The following GRIK4 variants were observed in gnomAD, a reference collection of about 807,000 sequenced individuals.
GRIK4 encodes the protein glutamate ionotropic receptor kainate type subunit 4.
A neutral mutation model predicts 104.9 loss-of-function variants in GRIK4; 40 were observed. That is an observed-to-expected ratio of 0.38 (90% CI 0.30 to 0.50). The LOEUF is 0.50. Among genes scored for constraint, GRIK4 ranks in the 20% least tolerant of loss-of-function variants. The pLI is 0.93. For synonymous variants in GRIK4, 485 were observed against 524.9 expected (o/e 0.92, Z 1.04); for missense variants, 1,047 against 1,308.1 (o/e 0.80, Z 3.08).
intron 13 of GRIK4, among the ~76,000 whole-genome samples, chr11:120,920,482 C>T (rs551788485): frequency 6.6e-6 from 1 of 152,274 alleles, no homozygotes; most frequent in African/African-American, 2.4e-5. Flanking sequence ...GGGTTCATTC[C>T]TCTTGCCATG....
chr11:120,895,308 A>G (rs1416678260), intron 11 of GRIK4, among the ~76,000 whole-genome samples: 3 of 152,126 alleles, frequency 2.0e-5, no homozygotes, highest in Non-Finnish European at 2.9e-5. Context: ...AAAGGACTCT[A>G]AGGAGTTCAG....
At chr11:120,849,414 T>A (rs973365354) in intron 8 of GRIK4, among the ~76,000 whole-genome samples, 2 of 152,206 alleles carry the variant, frequency 1.3e-5, no homozygotes, top group Non-Finnish European at 2.9e-5. Context: ...GAAGTTGCAT[T>A]AATTTAATGA....
chr11:120,841,474 T>G (rs1953715058), intron 8 of GRIK4, among the ~76,000 whole-genome samples: 2 of 152,226 alleles, frequency 1.3e-5, no homozygotes, highest in South Asian at 4.1e-4. Context: ...ACTATGTGTG[T>G]GTAGACACAC....
chr11:120,547,386 G>A (rs375515043), intron 1 of GRIK4, among the ~76,000 whole-genome samples: 3 of 152,200 alleles, frequency 2.0e-5, no homozygotes, highest in East Asian at 1.9e-4. Flanking sequence ...CTGCACGAGC[G>A]GAGTACAGAG....
intron 8 of GRIK4, among the ~76,000 whole-genome samples, chr11:120,849,436 G>A (rs911299910): frequency 1.3e-5 from 2 of 152,170 alleles, no homozygotes; most frequent in African/African-American, 4.8e-5. Flanking sequence ...AGATGCCTCG[G>A]CCTTCCGTCT....
chr11:120,702,194 T>G lies in GRIK4; in HGVS notation c.82+41794T>G, dbSNP rs568229034. The stretch of plus-strand genomic sequence containing the variant: ...TGGCCTCGATCTCTTCACCTTGTGA[T>G]CCGCAGGCCTCGGCCTCCCAAAGTG... On this transcript the variant is annotated intron_variant, in intron 3 of 20. Transcript: ENST00000527524. Among the ~76,000 whole-genome samples, 6 of 152,298 alleles carry G rather than the reference T, an allele frequency of 3.9e-5. No homozygotes were observed. In the South Asian group the frequency reaches 1.0e-3, roughly 26 times the overall value.
At chr11:120,595,702 C>T (rs1243737917) in intron 1 of GRIK4, among the ~76,000 whole-genome samples, 2 of 152,232 alleles carry the variant, frequency 1.3e-5, no homozygotes, top group Non-Finnish European at 2.9e-5. Flanking sequence ...TTCACCCAGA[C>T]ACCTCCCACT....
intron 3 of GRIK4, among the ~76,000 whole-genome samples, chr11:120,692,116 G>T (rs1308874827): frequency 6.6e-6 from 1 of 152,220 alleles, no homozygotes; most frequent in Non-Finnish European, 1.5e-5. Context: ...ACAAGGCAGA[G>T]TGGCCAAGTG....
At chr11:120,868,900 G>A (rs879527667) in intron 9 of GRIK4, 3 of 152,218 alleles carry the variant, frequency 2.0e-5, no homozygotes, top group Non-Finnish European at 2.9e-5. Flanking sequence ...GAGGGCTTTT[G>A]TAACAGAAAC....
intron 9 of GRIK4, among the ~76,000 whole-genome samples, chr11:120,865,717 G>A (rs1231032181): frequency 6.6e-6 from 1 of 152,178 alleles, no homozygotes; most frequent in African/African-American, 2.4e-5. Flanking sequence ...GAAAAAAAAT[G>A]CAAAGGCACA....
intron 3 of GRIK4, among the ~76,000 whole-genome samples, chr11:120,684,017 G>C (rs1372102457): frequency 6.6e-6 from 1 of 152,020 alleles, no homozygotes; most frequent in Non-Finnish European, 1.5e-5. Context: ...TTTTGTTTTT[G>C]TTTCTCTGGG....
chr11:120,742,823 A>T (rs1951360237), intron 3 of GRIK4, among the ~76,000 whole-genome samples: 1 of 152,228 alleles, frequency 6.6e-6, no homozygotes, highest in African/African-American at 2.4e-5. Flanking sequence ...GTGAATGTTC[A>T]TTGCAGCACT....
intron 3 of GRIK4, among the ~76,000 whole-genome samples, chr11:120,671,273 G>A (rs1245563111): frequency 3.9e-5 from 6 of 152,110 alleles, no homozygotes; most frequent in South Asian, 2.1e-4. Context: ...TTGAGGAATC[G>A]CCACACTGTC....
intron 3 of GRIK4, among the ~76,000 whole-genome samples, chr11:120,699,530 GGTGTGTGTATGTGTGTGTGTGT>G (rs1284845995): frequency 1.7e-3 from 230 of 135,064 alleles, no homozygotes; most frequent in African/African-American, 6.3e-3. Flanking sequence ...CAGTAAGTCA[GGTGTGTGTATGTGTGTGTGTGT>G]GTGTGTGTGT....
At chr11:120,904,834 C>T (rs1942830389) in intron 12 of GRIK4, among the ~76,000 whole-genome samples, 1 of 152,170 alleles carries the variant, frequency 6.6e-6, no homozygotes, top group Admixed American at 6.5e-5. Flanking sequence ...CTGGACATCT[C>T]ACTGGAGAGA....
At chr11:120,563,916 T>A (rs1013461724) in intron 1 of GRIK4, among the ~76,000 whole-genome samples, 3 of 152,144 alleles carry the variant, frequency 2.0e-5, no homozygotes, top group African/African-American at 7.2e-5. Context: ...GGGCCCCCTC[T>A]CCAGTGACAC....
At chr11:120,558,017 CAA>C (rs59960959) in intron 1 of GRIK4, among the ~76,000 whole-genome samples, 3,500 of 39,068 alleles carry the variant, frequency 0.09, 13 homozygotes, top group East Asian at 0.17. Flanking sequence ...GACTCCGTCT[CAA>C]AAAAAAAAAA....
In GRIK4 at chr11:120,967,045, C is replaced by T. The variant is rs1944395500; in HGVS notation, c.2267-150C>T. The T allele has an allele frequency of 2.5e-6, 2 of 792,576 alleles. No homozygotes were observed. The highest frequency in any genetic ancestry group is 1.9e-5 in the South Asian group (1 of 53,432). The allele number at this position is 792,576 out of a possible 1,614,324, so 49.1% of individuals were successfully genotyped here. A position where few individuals can be genotyped will look rare whatever the true frequency, so the allele number is the denominator to read the frequency against. ...CCAGTGGAGTAGACAGCACTGGCCCCATGGGCTCGCCCCACCCGCTGCATC... is the reference window on the plus strand; with the variant it reads ...CCAGTGGAGTAGACAGCACTGGCCCTATGGGCTCGCCCCACCCGCTGCATC... On this transcript the variant is annotated intron_variant, in intron 18 of 20. Coordinates refer to ENST00000527524, the MANE Select transcript of GRIK4 (RefSeq NM_014619.5). This position sits in a 1 kb window ranked among gnomAD's most constrained non-coding sequence, Gnocchi z 4.2.
At chr11:120,719,598 C>G (rs965147608) in intron 3 of GRIK4, among the ~76,000 whole-genome samples, 1 of 152,146 alleles carries the variant, frequency 6.6e-6, no homozygotes, top group Non-Finnish European at 1.5e-5. Flanking sequence ...TGAGCTGCTC[C>G]CACAGATCGT....
Sources: gnomAD v4.1 joint callset for allele counts (sites outside exome capture counted in the v4.1 genomes callset) on GRCh38, gnomAD v4.1.1 for gene constraint, Gnocchi (gnomAD v3.1) non-coding constraint, MANE v1.5 for transcripts, NCBI Gene and HGNC (gene_info 2026-07-23, HGNC 2026-07-21) for gene names.